The following KCNJ6 variants were observed in gnomAD, a reference collection of about 807,000 sequenced individuals.
The protein encoded by KCNJ6 is G protein-activated inward rectifier potassium channel 2.
KCNJ6 carries 9 observed loss-of-function variants against 34.2 expected under a neutral mutation model. That is an observed-to-expected ratio of 0.26 (90% CI 0.16 to 0.46). KCNJ6 has a LOEUF of 0.46. Among genes scored for constraint, KCNJ6 ranks in the 20% least tolerant of loss-of-function variants. KCNJ6 has a pLI of 1.00. For missense variants in KCNJ6, 236 were observed against 531.3 expected, an observed-to-expected ratio of 0.44 and a Z score of 5.46; for synonymous variants, 196 against 207.1, an observed-to-expected ratio of 0.95 and a Z score of 0.46.
chr21:37,740,123 C>A (rs1230836849), intron 2 of KCNJ6, among the ~76,000 whole-genome samples: 1 of 152,170 alleles, frequency 6.6e-6, no homozygotes, highest in Non-Finnish European at 1.5e-5. Context: ...TACTACAAAC[C>A]AGTAGCTCTT....
intron 1 of KCNJ6, among the ~76,000 whole-genome samples, chr21:37,886,516 A>T (rs1341949696): frequency 6.6e-6 from 1 of 152,210 alleles, no homozygotes; most frequent in Admixed American, 6.5e-5. Context: ...ACCTGTCCCA[A>T]TTTCAAATCA....
At chr21:37,777,217 C>T (rs868486698) in intron 2 of KCNJ6, among the ~76,000 whole-genome samples, 1 of 152,032 alleles carries the variant, frequency 6.6e-6, no homozygotes, top group Non-Finnish European at 1.5e-5. Context: ...TTTTTTATTG[C>T]AGCTATTTGA....
At chr21:37,886,707 A>AT (rs1034667806) in intron 1 of KCNJ6, among the ~76,000 whole-genome samples, 1 of 152,006 alleles carries the variant, frequency 6.6e-6, no homozygotes, top group African/African-American at 2.4e-5. Flanking sequence ...CTGCCTCTCC[A>AT]TTTTCACTTT....
intron 3 of KCNJ6, among the ~76,000 whole-genome samples, chr21:37,696,280 A>C (rs1334555792): frequency 1.3e-5 from 2 of 152,226 alleles, no homozygotes; most frequent in African/African-American, 4.8e-5. Context: ...TAGTAATTTT[A>C]AAGTTAAGAA....
chr21:37,725,664 A>G (rs1281756476), intron 2 of KCNJ6, among the ~76,000 whole-genome samples: 1 of 152,204 alleles, frequency 6.6e-6, no homozygotes, highest in Non-Finnish European at 1.5e-5. Context: ...AGGGTCATTT[A>G]TTCTAAGGAA....
intron 2 of KCNJ6, among the ~76,000 whole-genome samples, chr21:37,736,479 C>G (rs968704164): frequency 1.3e-5 from 2 of 152,136 alleles, no homozygotes; most frequent in Non-Finnish European, 2.9e-5. Flanking sequence ...GAAATGCACT[C>G]TTGTAAATGG....
intron 3 of KCNJ6, among the ~76,000 whole-genome samples, chr21:37,691,016 C>T (rs1490514295): frequency 3.3e-5 from 5 of 152,238 alleles, no homozygotes; most frequent in African/African-American, 9.6e-5. Flanking sequence ...CTCCCAACCT[C>T]GTGATCCACC....
intron 2 of KCNJ6, among the ~76,000 whole-genome samples, chr21:37,784,154 G>A (rs546134131): frequency 6.6e-6 from 1 of 152,214 alleles, no homozygotes; most frequent in East Asian, 1.9e-4. Context: ...CCTTTCCTGT[G>A]GTCTCTCATG....
chr21:37,785,428 T>C (rs1019391918), intron 2 of KCNJ6, among the ~76,000 whole-genome samples: 8 of 152,216 alleles, frequency 5.3e-5, no homozygotes, highest in African/African-American at 1.9e-4. Flanking sequence ...GATCCTCTTA[T>C]CACTGACAGG....
At chr21:37,870,319 C>A (rs1339768288) in intron 1 of KCNJ6, among the ~76,000 whole-genome samples, 2 of 149,648 alleles carry the variant, frequency 1.3e-5, no homozygotes, top group Non-Finnish European at 2.9e-5. Flanking sequence ...AAGCAATATG[C>A]CATCAATAGC....
chr21:37,722,065 AG>A (rs1303212375), intron 2 of KCNJ6, among the ~76,000 whole-genome samples: 8 of 152,238 alleles, frequency 5.3e-5, no homozygotes, highest in Non-Finnish European at 8.8e-5. Flanking sequence ...CTCTGCCAAA[AG>A]GCTCCTGGAA....
intron 2 of KCNJ6, among the ~76,000 whole-genome samples, chr21:37,812,402 G>A (rs932900377): frequency 1.3e-5 from 2 of 152,006 alleles, no homozygotes; most frequent in African/African-American, 4.8e-5. Flanking sequence ...ACTAGAACTG[G>A]GAATTTAACC....
intron 2 of KCNJ6, among the ~76,000 whole-genome samples, chr21:37,796,938 C>T (rs575749108): frequency 4.0e-5 from 6 of 151,284 alleles, no homozygotes; most frequent in East Asian, 1.9e-4. Context: ...GGACTACAGG[C>T]GCCCGCCACC....
intron 3 of KCNJ6, among the ~76,000 whole-genome samples, chr21:37,671,138 T>C (rs1426855847): frequency 6.6e-6 from 1 of 152,132 alleles, no homozygotes; most frequent in Admixed American, 6.5e-5. Context: ...GACCTCTAGA[T>C]AGCTTCCGGG....
chr21:37,751,845 G>A lies in KCNJ6; in HGVS notation c.26-36714C>T, dbSNP rs2054997392. 2.0e-5 allele frequency among the ~76,000 whole-genome samples: 3 copies of A among 152,284 alleles called. No individual in the cohort carries two copies. In the South Asian group the frequency reaches 6.2e-4, roughly 32 times the overall value. On this transcript the variant is annotated intron_variant, in intron 2 of 3. Coordinates refer to ENST00000609713, the MANE Select transcript of KCNJ6 (RefSeq NM_002240.5). ...GATAGAAGCTGTGCTTTCTTGATCT[G>A]TGTGTCCTCAGGCCCTAGTACGATG...
chr21:37,787,329 A>G (rs79533813), intron 2 of KCNJ6, among the ~76,000 whole-genome samples: 5,132 of 152,220 alleles, frequency 0.034, 244 homozygotes, highest in African/African-American at 0.11. Flanking sequence ...TAACAGCTTC[A>G]TGTTCCTCAA....
chr21:37,757,687 C>A (rs2055037709), intron 2 of KCNJ6, among the ~76,000 whole-genome samples: 1 of 149,094 alleles, frequency 6.7e-6, no homozygotes, highest in Non-Finnish European at 1.5e-5. Context: ...AGTACTCCCT[C>A]ACAGCATGAT....
At chr21:37,799,386 G>A (rs750315121) in intron 2 of KCNJ6, among the ~76,000 whole-genome samples, 2 of 152,206 alleles carry the variant, frequency 1.3e-5, no homozygotes, top group Non-Finnish European at 2.9e-5. Flanking sequence ...TGAAAGGCGG[G>A]AAGGCTGGGA....
intron 3 of KCNJ6, among the ~76,000 whole-genome samples, chr21:37,662,086 TTTTA>T (rs1460312222): frequency 3.9e-5 from 6 of 151,998 alleles, no homozygotes; most frequent in Non-Finnish European, 7.4e-5. Context: ...TCAGAGAAAA[TTTTA>T]TTTATTTTTA....
Sources: allele counts gnomAD v4.1 joint callset (sites outside exome capture counted in the v4.1 genomes callset), GRCh38; gene constraint gnomAD v4.1.1; transcripts MANE v1.5; gene names NCBI Gene and HGNC (gene_info 2026-07-23, HGNC 2026-07-21).